Variants in ZMYND8 observed in about 807,000 individuals in gnomAD.
The protein encoded by ZMYND8 is MYND-type zinc finger-containing chromatin reader ZMYND8.
A neutral mutation model predicts 140.8 loss-of-function variants in ZMYND8; 37 were observed. The observed-to-expected ratio is 0.26, with a 90% CI of 0.20 to 0.35. ZMYND8 has a LOEUF of 0.35. Ranked by LOEUF, ZMYND8 falls within the 10% of genes least tolerant of loss-of-function variation. The pLI is 1.00. For missense variants in ZMYND8, 1,068 were observed against 1,570.0 expected, an observed-to-expected ratio of 0.68 and a Z score of 5.40; for synonymous variants, 592 against 597.1, an observed-to-expected ratio of 0.99 and a Z score of 0.12.
intron 11 of ZMYND8, among the ~76,000 whole-genome samples, chr20:47,271,470 C>T (rs907321880): frequency 5.3e-5 from 8 of 152,192 alleles, no homozygotes; most frequent in Admixed American, 6.5e-5. Context: ...CAAAAGCACA[C>T]GATGTGTAAC....
At chr20:47,291,015 C>T (rs1011732399) in intron 6 of ZMYND8, among the ~76,000 whole-genome samples, 2 of 152,136 alleles carry the variant, frequency 1.3e-5, no homozygotes, top group Non-Finnish European at 2.9e-5. Flanking sequence ...AACTGAGATA[C>T]AGTAATGTTA....
At chr20:47,215,090 C>G (rs149817192) in intron 21 of ZMYND8, among the ~76,000 whole-genome samples, 5 of 152,148 alleles carry the variant, frequency 3.3e-5, no homozygotes, top group African/African-American at 9.6e-5. Context: ...TTAAAAATGT[C>G]GGCCAGGCAT....
At chr20:47,304,776 G>A (rs2078349850) in intron 3 of ZMYND8, among the ~76,000 whole-genome samples, 1 of 152,210 alleles carries the variant, frequency 6.6e-6, no homozygotes, top group Non-Finnish European at 1.5e-5. Context: ...GGAGACAGCA[G>A]GGCTGGGCAG....
At chr20:47,278,053 G>C (rs1391270497) in intron 10 of ZMYND8, among the ~76,000 whole-genome samples, 1 of 151,998 alleles carries the variant, frequency 6.6e-6, no homozygotes, top group African/African-American at 2.4e-5. Context: ...GCTCACTACA[G>C]CCTCAAACTC....
At chr20:47,309,798 G>A (rs1005171774) in intron 3 of ZMYND8, among the ~76,000 whole-genome samples, 3 of 150,646 alleles carry the variant, frequency 2.0e-5, no homozygotes, top group African/African-American at 7.3e-5. Context: ...ACAAGGAAAC[G>A]CCCCAAACCC....
At position 47,317,404 on chromosome 20, in the gene ZMYND8, C is replaced by T. The variant is rs555700982; in HGVS notation, c.86-7200G>A. 1.3e-4 allele frequency among the ~76,000 whole-genome samples: 20 copies of T among 151,808 alleles called. 1 individual carries two copies. In the South Asian group the frequency reaches 2.5e-3, roughly 19 times the overall value. The stretch of plus-strand genomic sequence containing the variant: ...CACATCAGGTACCCGCCCTCCACCC[C>T]ACTCCTGCCCCCACATCCGGTGCCT... On this transcript the variant is annotated intron_variant, in intron 2 of 22. Transcript: ENST00000471951.
At chr20:47,235,035 A>T (rs2039029687) in intron 16 of ZMYND8, among the ~76,000 whole-genome samples, 1 of 152,228 alleles carries the variant, frequency 6.6e-6, no homozygotes, top group Admixed American at 6.5e-5. Flanking sequence ...TCCATTCTAA[A>T]AACTAGAACT....
At chr20:47,211,333 T>G (rs764121138) in intron 22 of ZMYND8, among the ~76,000 whole-genome samples, 1 of 152,150 alleles carries the variant, frequency 6.6e-6, no homozygotes, top group Admixed American at 6.5e-5. Flanking sequence ...ATTTCTTTTA[T>G]CAATGTATAG....
chr20:47,289,405 G>A (rs1202176001), intron 7 of ZMYND8, among the ~76,000 whole-genome samples: 4 of 152,188 alleles, frequency 2.6e-5, no homozygotes, highest in East Asian at 1.9e-4. Flanking sequence ...TTGGTGAAAC[G>A]TAGTAAGTTA....
intron 5 of ZMYND8, 53 bp from the exon 6 acceptor site, chr20:47,291,941 C>A: frequency 6.7e-7 from 1 of 1,493,928 alleles, no homozygotes; most frequent in Non-Finnish European, 9.2e-7. Context: ...TATGGAAAAC[C>A]AAGCATTAAT....
chr20:47,307,572 T>G (rs2148178245), intron 3 of ZMYND8, among the ~76,000 whole-genome samples: 1 of 151,656 alleles, frequency 6.6e-6, no homozygotes, highest in African/African-American at 2.4e-5. Context: ...AGACCCCATC[T>G]CTTAAAAAGA....
chr20:47,246,550 T>C, intron 13 of ZMYND8, 33 bp from the exon 14 acceptor site: 1 of 1,536,036 alleles, frequency 6.5e-7, no homozygotes, highest in Non-Finnish European at 8.7e-7. Context: ...GCATGTGGCG[T>C]AGTCACAAAA....
chr20:47,246,402 A>AATC lies in ZMYND8; in HGVS notation c.1889_1890insGAT (p.Ser630_Lys631insIle), dbSNP rs770061256. The stretch of plus-strand genomic sequence containing the variant: ...CCTCTGTGTCTTCTGGCTCGTTCTT[A>AATC]GACTTCTGCTCATCATCACTGATAT... On this transcript the variant is annotated inframe_insertion, in exon 14 of 23. Coordinates refer to ENST00000471951, the MANE Select transcript of ZMYND8 (RefSeq NM_001281775.3). 11 of 1,613,802 alleles carry AATC rather than the reference A, an allele frequency of 6.8e-6. No homozygotes were observed. The highest frequency in any genetic ancestry group is 8.5e-6 in the Non-Finnish European group (10 of 1,180,002).
At chr20:47,273,806 C>A (rs981672880) in intron 11 of ZMYND8, among the ~76,000 whole-genome samples, 1 of 152,092 alleles carries the variant, frequency 6.6e-6, no homozygotes, top group African/African-American at 2.4e-5. Flanking sequence ...GCAACAATGA[C>A]TAAATAGTTG....
chr20:47,253,945 A>C (rs1205686333), intron 12 of ZMYND8, among the ~76,000 whole-genome samples: 2 of 152,340 alleles, frequency 1.3e-5, no homozygotes, highest in East Asian at 3.9e-4. Context: ...TAAACCACCA[A>C]ATGGCTAGGG....
At chr20:47,236,740 G>A (rs2039285489) in intron 15 of ZMYND8, among the ~76,000 whole-genome samples, 1 of 152,220 alleles carries the variant, frequency 6.6e-6, no homozygotes, top group South Asian at 2.1e-4. Flanking sequence ...GAGCTCAAGA[G>A]TGCATGCTAG....
intron 2 of ZMYND8, among the ~76,000 whole-genome samples, chr20:47,322,589 T>TACC (rs2080060698): frequency 6.6e-6 from 1 of 151,808 alleles, no homozygotes. Context: ...TACAGGCACG[T>TACC]ACCACCACAC....
intron 19 of ZMYND8, among the ~76,000 whole-genome samples, chr20:47,222,496 G>A (rs112204765): frequency 0.01 from 1,573 of 152,128 alleles, 11 homozygotes; most frequent in South Asian, 0.037. Flanking sequence ...AGATCGCGCC[G>A]TTGCACTCCA....
In ZMYND8 at chr20:47,276,870, C is replaced by T; in HGVS notation, c.999-75G>A. The T allele has an allele frequency of 3.7e-6, 5 of 1,338,814 alleles. No homozygotes were observed. The South Asian group carries it at 7.1e-5, about 19-fold the overall frequency. The allele number at this position is 1,338,814 out of a possible 1,614,324, so 82.9% of individuals were successfully genotyped here. ...AAGATTGCTTTTTTCTTGATGTGAA[C>T]CAAATTAGCCAAGCATGTTTGCCAA... is the stretch of plus-strand genomic sequence containing the variant. On this transcript the variant is annotated intron_variant, in intron 10 of 22. Transcript: ENST00000471951.
Sources: allele counts gnomAD v4.1 joint callset (sites outside exome capture counted in the v4.1 genomes callset), GRCh38; gene constraint gnomAD v4.1.1; transcripts MANE v1.5; gene names NCBI Gene and HGNC (gene_info 2026-07-23, HGNC 2026-07-21).